The following MYBL2 variants were observed in gnomAD, a reference collection of about 807,000 sequenced individuals.
MYBL2 encodes the protein MYB proto-oncogene like 2.
Under a neutral mutation model 79.9 loss-of-function variants are expected in MYBL2, and 28 were observed. The ratio of observed to expected loss-of-function variants is 0.35; its 90% confidence interval spans 0.26 to 0.48. The LOEUF is 0.48. Among genes scored for constraint, MYBL2 ranks in the 20% least tolerant of loss-of-function variants. MYBL2 has a pLI of 0.99. For synonymous variants in MYBL2, 378 were observed against 361.2 expected, an observed-to-expected ratio of 1.05 and a Z score of -0.53; for missense variants, 735 against 893.9, an observed-to-expected ratio of 0.82 and a Z score of 2.27.
chr20:43,681,543 G>T (rs1987142879), intron 2 of MYBL2, among the ~76,000 whole-genome samples: 2 of 152,224 alleles, frequency 1.3e-5, no homozygotes. Context: ...TCTCCCAGCA[G>T]GGGGTGGCTT....
At chr20:43,714,074 A>T (rs781120679) in intron 12 of MYBL2, among the ~76,000 whole-genome samples, 2 of 152,166 alleles carry the variant, frequency 1.3e-5, no homozygotes, top group Middle Eastern at 3.2e-3. Flanking sequence ...AAAGAAAAAA[A>T]CATCACCGCA....
intron 6 of MYBL2, among the ~76,000 whole-genome samples, chr20:43,697,194 G>GA (rs553404641): frequency 9.9e-5 from 15 of 151,806 alleles, no homozygotes; most frequent in African/African-American, 2.2e-4. Flanking sequence ...ATGGTTATAT[G>GA]AAAAAAAATC....
intron 3 of MYBL2, 113 bp from the exon 4 acceptor site, chr20:43,682,681 A>G (rs1163660547): frequency 3.4e-6 from 3 of 889,476 alleles, no homozygotes; most frequent in Non-Finnish European, 5.6e-6. Flanking sequence ...ACACCTACCC[A>G]AGGTGTGCCT....
At chr20:43,686,229 G>A (rs1042038882) in intron 4 of MYBL2, among the ~76,000 whole-genome samples, 1 of 152,190 alleles carries the variant, frequency 6.6e-6, no homozygotes, top group Admixed American at 6.5e-5. Context: ...GAGAACGCGT[G>A]TGTCTGTTGT....
At chr20:43,714,155 A>G (rs1987975627) in intron 12 of MYBL2, among the ~76,000 whole-genome samples, 1 of 152,068 alleles carries the variant, frequency 6.6e-6, no homozygotes, top group Admixed American at 6.6e-5. Flanking sequence ...GCTCTCTGGG[A>G]TCTTTCAGGT....
At chr20:43,706,661 G>A (rs1326494801) in intron 9 of MYBL2, among the ~76,000 whole-genome samples, 2 of 146,922 alleles carry the variant, frequency 1.4e-5, no homozygotes, top group Non-Finnish European at 3.0e-5. Flanking sequence ...GAGACTAGGG[G>A]TTTAAGACCA....
chr20:43,704,168 C>T (rs149652094), intron 8 of MYBL2, among the ~76,000 whole-genome samples: 74 of 152,178 alleles, frequency 4.9e-4, no homozygotes, highest in African/African-American at 1.2e-3. Context: ...CATGAGCCAC[C>T]ATGCCCGGCT....
At chr20:43,694,972 C>T (rs1009635489) in intron 6 of MYBL2, among the ~76,000 whole-genome samples, 1 of 151,868 alleles carries the variant, frequency 6.6e-6, no homozygotes, top group South Asian at 2.1e-4. Context: ...CTTTGAGTGT[C>T]TGGAGTGCTG....
intron 6 of MYBL2, among the ~76,000 whole-genome samples, chr20:43,695,152 G>GC (rs112276552): frequency 6.6e-4 from 101 of 151,952 alleles, no homozygotes; most frequent in African/African-American, 2.4e-3. Context: ...TCCTGCCTCA[G>GC]CCTCCTGAGT....
intron 1 of MYBL2, among the ~76,000 whole-genome samples, chr20:43,669,541 C>T (rs956502832): frequency 1.5e-4 from 23 of 152,278 alleles, no homozygotes; most frequent in Admixed American, 7.9e-4. Context: ...GAGCCCAGCA[C>T]GTTGAAGGGC....
At chr20:43,715,614 T>C (rs1321143557) in intron 13 of MYBL2, among the ~76,000 whole-genome samples, 5 of 152,216 alleles carry the variant, frequency 3.3e-5, no homozygotes, top group African/African-American at 1.2e-4. Context: ...TTGGTTTGCT[T>C]AGTACATGTC....
intron 11 of MYBL2, 28 bp from the exon 12 acceptor site, chr20:43,712,974 T>C: frequency 6.4e-7 from 1 of 1,564,296 alleles, no homozygotes; most frequent in Non-Finnish European, 8.7e-7. Context: ...ACACTCACCC[T>C]AACCCCCTTC....
At chr20:43,682,229 G>A (rs1163536971) in intron 3 of MYBL2, among the ~76,000 whole-genome samples, 8 of 149,696 alleles carry the variant, frequency 5.3e-5, no homozygotes, top group Non-Finnish European at 1.2e-4. Flanking sequence ...TGAGGCCCCT[G>A]CAGGGCTGGC....
intron 8 of MYBL2, among the ~76,000 whole-genome samples, chr20:43,703,618 G>A (rs1401753274): frequency 6.6e-6 from 1 of 152,114 alleles, no homozygotes; most frequent in African/African-American, 2.4e-5. Flanking sequence ...GGGGGGTGGC[G>A]CAGGGCCTTG....
At position 43,687,039 on chromosome 20, in the gene MYBL2, G is replaced by T; in HGVS notation, c.467G>T (p.Arg156Leu). Residue 156 changes from arginine (R) to leucine (L), a missense_variant, in exon 5 of 14, where the codon CGC becomes CTC. Coordinates refer to ENST00000217026, the MANE Select transcript of MYBL2 (RefSeq NM_002466.4). Reference sequence around the variant, plus strand: ...GAGGCCCACAAGGTGCTGGGCAACCGCTGGGCCGAGATCGCCAAGATGTTG... The same window carrying T: ...GAGGCCCACAAGGTGCTGGGCAACCTCTGGGCCGAGATCGCCAAGATGTTG... ...ICEAHKVLGN[R>L]WAEIAKMLPG... 1 of 1,613,426 alleles carries T rather than the reference G, an allele frequency of 6.2e-7. No individual in the cohort carries two copies.
intron 2 of MYBL2, 107 bp from the exon 3 acceptor site, chr20:43,681,677 C>T (rs971685711): frequency 1.0e-5 from 12 of 1,152,470 alleles, no homozygotes; most frequent in African/African-American, 7.6e-5. Flanking sequence ...CACTTCATGA[C>T]GGAATGGATG....
chr20:43,715,008 A>G (rs368642613), intron 12 of MYBL2, 126 bp from the exon 13 acceptor site: 1 of 1,119,324 alleles, frequency 8.9e-7, no homozygotes, highest in Non-Finnish European at 1.3e-6. Flanking sequence ...GAGGCTTGGA[A>G]AAGTGTGTAT....
chr20:43,691,593 G>A (rs1272290093), intron 5 of MYBL2, among the ~76,000 whole-genome samples: 1 of 150,362 alleles, frequency 6.7e-6, no homozygotes, highest in Non-Finnish European at 1.5e-5. Context: ...AGGCTGGAGT[G>A]CAATGGCATC....
chr20:43,692,916 C>T (rs1428938365), intron 6 of MYBL2, among the ~76,000 whole-genome samples: 2 of 152,216 alleles, frequency 1.3e-5, no homozygotes, highest in East Asian at 1.9e-4. Flanking sequence ...AGAATTCCCT[C>T]GTGCTCCTTT....
Sources: gnomAD v4.1 joint callset for allele counts (sites outside exome capture counted in the v4.1 genomes callset) on GRCh38, gnomAD v4.1.1 for gene constraint, MANE v1.5 for transcripts, NCBI Gene and HGNC (gene_info 2026-07-23, HGNC 2026-07-21) for gene names.